The following INTS15 variants were observed in gnomAD, a reference collection of about 807,000 sequenced individuals.
INTS15 encodes integrator complex subunit 15.
chr7:6,594,054 G>T, the INTS15 span, among the ~76,000 whole-genome samples: 1 of 123,578 alleles, frequency 8.1e-6, no homozygotes, highest in Non-Finnish European at 1.6e-5. Flanking sequence ...TGTTGCCCAC[G>T]CTGGAGTGCA....
the INTS15 span, among the ~76,000 whole-genome samples, chr7:6,596,466 C>T: frequency 6.8e-6 from 1 of 147,998 alleles, no homozygotes; most frequent in African/African-American, 2.5e-5. Flanking sequence ...ACAACCTCTG[C>T]CTCCTGGGTT....
the INTS15 span, among the ~76,000 whole-genome samples, chr7:6,593,329 GTTTT>G: frequency 2.3e-5 from 3 of 130,820 alleles, no homozygotes; most frequent in African/African-American, 2.9e-5. Flanking sequence ...CTGTGCGGTG[GTTTT>G]TTTTTTTTTT....
the INTS15 span, chr7:6,594,454 G>C: frequency 6.2e-7 from 1 of 1,614,106 alleles, no homozygotes; most frequent in Admixed American, 1.7e-5. Context: ...GTGGTTTACT[G>C]TGTGAGGTTA....
the INTS15 span, among the ~76,000 whole-genome samples, chr7:6,590,848 T>G: frequency 6.6e-6 from 1 of 152,038 alleles, no homozygotes; most frequent in Non-Finnish European, 1.5e-5. Context: ...CTCTGCCTTT[T>G]TTTTTTTCGA....
chr7:6,601,175 T>C, the INTS15 span, among the ~76,000 whole-genome samples: 1 of 152,334 alleles, frequency 6.6e-6, no homozygotes, highest in Middle Eastern at 3.4e-3. Flanking sequence ...CTCACCATCT[T>C]GTCCAGGCTG....
the INTS15 span, among the ~76,000 whole-genome samples, chr7:6,599,101 G>A: frequency 6.6e-6 from 1 of 152,106 alleles, no homozygotes; most frequent in Non-Finnish European, 1.5e-5. Context: ...GACGAGTCCT[G>A]GGGAAATCAC....
At chr7:6,602,722 A>T in the INTS15 span, 1 of 471,188 alleles carries the variant, frequency 2.1e-6, no homozygotes, top group Non-Finnish European at 4.4e-6. Context: ...ACTCCTTGCC[A>T]CGTGGAGACC....
the INTS15 span, chr7:6,590,439 GT>G: frequency 6.3e-7 from 1 of 1,599,964 alleles, no homozygotes. Flanking sequence ...AGGAGTTCGT[GT>G]TCCAGGTGCC....
chr7:6,599,441 A>G, the INTS15 span, among the ~76,000 whole-genome samples: 5 of 152,312 alleles, frequency 3.3e-5, no homozygotes, highest in East Asian at 7.7e-4. Context: ...GACACTGAGC[A>G]CCGGGAGGAC....
the INTS15 span, chr7:6,591,715 G>A: frequency 6.2e-7 from 1 of 1,614,128 alleles, no homozygotes; most frequent in Non-Finnish European, 8.5e-7. Flanking sequence ...GCAAACCAAG[G>A]ACTCTGTTCG....
At chr7:6,599,638 A>T in the INTS15 span, among the ~76,000 whole-genome samples, 1 of 152,168 alleles carries the variant, frequency 6.6e-6, no homozygotes, top group Non-Finnish European at 1.5e-5. Flanking sequence ...ACAGTGACTG[A>T]GATGAGACTC....
the INTS15 span, chr7:6,591,649 C>T: frequency 6.2e-7 from 1 of 1,613,762 alleles, no homozygotes; most frequent in Non-Finnish European, 8.5e-7. Context: ...TTTGCAGAGA[C>T]TGAATTCCCT....
At chr7:6,591,774 T>G in the INTS15 span, 6 of 1,614,024 alleles carry the variant, frequency 3.7e-6, no homozygotes, top group Non-Finnish European at 5.1e-6. Flanking sequence ...ACAAAGCCGA[T>G]GACAGCCGGA....
the INTS15 span, chr7:6,599,875 G>C: frequency 3.1e-6 from 5 of 1,614,108 alleles, no homozygotes; most frequent in Non-Finnish European, 4.2e-6. Flanking sequence ...TTGTCACCTG[G>C]ATTTTTGAGG....
the INTS15 span, among the ~76,000 whole-genome samples, chr7:6,594,189 G>A: frequency 2.0e-5 from 3 of 149,760 alleles, no homozygotes; most frequent in African/African-American, 7.4e-5. Context: ...TGTATTTTTA[G>A]TAGAGACGAG....
the INTS15 span, among the ~76,000 whole-genome samples, chr7:6,595,697 G>T: frequency 6.6e-6 from 1 of 151,968 alleles, no homozygotes; most frequent in Non-Finnish European, 1.5e-5. Flanking sequence ...TACTTTTTTG[G>T]ATATAGAATC....
At chr7:6,595,312 A>T in the INTS15 span, among the ~76,000 whole-genome samples, 1 of 152,134 alleles carries the variant, frequency 6.6e-6, no homozygotes, top group African/African-American at 2.4e-5. Flanking sequence ...ACAGGTTTGC[A>T]ACACCATGTC....
At chr7:6,606,762 A>C in the INTS15 span, among the ~76,000 whole-genome samples, 10 of 150,630 alleles carry the variant, frequency 6.6e-5, no homozygotes, top group East Asian at 1.4e-3. Context: ...GCAGTGGCAC[A>C]ATCATGGCTC....
chr7:6,602,202 A>G, the INTS15 span: 1 of 1,430,416 alleles, frequency 7.0e-7, no homozygotes, highest in Non-Finnish European at 9.7e-7. Flanking sequence ...GGGAGGCAAG[A>G]CAGGGCGAGC....
Sources: gnomAD v4.1 joint callset for allele counts (sites outside exome capture counted in the v4.1 genomes callset) on GRCh38, gnomAD v4.1.1 for gene constraint, MANE v1.5 for transcripts, NCBI Gene and HGNC (gene_info 2026-07-23, HGNC 2026-07-21) for gene names.